ATG101: variants seen among roughly 807,000 people sequenced by gnomAD.
ATG101 encodes the protein autophagy-related protein 101.
ATG101 carries 6 observed loss-of-function variants against 16.7 expected under a neutral mutation model. That is an observed-to-expected ratio of 0.36 (90% CI 0.20 to 0.71). The LOEUF (loss-of-function observed/expected upper bound fraction) is 0.71. Ranked by LOEUF, ATG101 falls within the 30% of genes least tolerant of loss-of-function variation. The pLI is 0.57. For missense variants in ATG101, 200 were observed against 292.5 expected, an observed-to-expected ratio of 0.68 and a Z score of 2.31; for synonymous variants, 108 against 118.1, an observed-to-expected ratio of 0.91 and a Z score of 0.56.
chr12:52,075,160 T>C (rs1299074247), intron 3 of ATG101, among the ~76,000 whole-genome samples: 1 of 152,148 alleles, frequency 6.6e-6, no homozygotes. Context: ...GTGTGCTCAT[T>C]GCAGGGGGTT....
chr12:52,073,505 C>G, intron 2 of ATG101, 70 bp from the exon 3 acceptor site: 3 of 1,058,892 alleles, frequency 2.8e-6, no homozygotes, highest in Admixed American at 2.3e-5. Context: ...CTGAGCTGAG[C>G]CTAGAAGGAA....
In ATG101 at chr12:52,070,228, A is replaced by G. The variant is rs1363021005; in HGVS notation, c.-221A>G. The G allele has an allele frequency of 6.6e-6, 1 of 152,016 alleles. No individual in the cohort carries two copies. Among genetic ancestry groups the G allele is most frequent in the Non-Finnish European group, 1.5e-5 (1 of 68,024 alleles). The allele number at this position is 152,016 out of a possible 1,614,324, so 9.4% of individuals were successfully genotyped here. ...CCGAGGAGTCCGTTCCTCCCTGGTT[A>G]CGTGGACTGTGGAGGTTCGCGCGTA... On this transcript the variant is annotated 5_prime_UTR_variant, in exon 1 of 4. Transcript: ENST00000336854.
intron 3 of ATG101, among the ~76,000 whole-genome samples, chr12:52,074,380 G>A (rs369313787): frequency 6.6e-6 from 1 of 152,180 alleles, no homozygotes; most frequent in African/African-American, 2.4e-5. Context: ...GAAGGGACAC[G>A]GCCGGCTGCT....
chr12:52,067,934 G>T (rs948881556), upstream of ATG101, among the ~76,000 whole-genome samples: 7 of 151,654 alleles, frequency 4.6e-5, no homozygotes, highest in Non-Finnish European at 7.4e-5. Flanking sequence ...TTAGTATCAG[G>T]TTTAAATTTA....
chr12:52,076,842 C>T lies in ATG101; in HGVS notation c.309C>T (p.Tyr103=). The change falls in exon 4 of 4, where the codon TAC becomes TAT. Residue 103 remains tyrosine (Y), a synonymous_variant. Transcript: ENST00000336854. ...DGLGQMSLEF[Y]QKKKSRWPFS... ...TGGGGCAGATGTCCTTGGAGTTCTA[C>T]CAGAAGAAGAAGTCTCGCTGGCCAT... 1 of 1,614,136 alleles carries T rather than the reference C, an allele frequency of 6.2e-7. No homozygotes were observed. The highest frequency in any genetic ancestry group is 8.5e-7 in the Non-Finnish European group (1 of 1,180,034).
At chr12:52,069,025 C>T (rs1386778929), upstream of ATG101, among the ~76,000 whole-genome samples, 2 of 101,606 alleles carry the variant, frequency 2.0e-5, no homozygotes, top group African/African-American at 3.7e-5. Flanking sequence ...AAAAAAAATA[C>T]TGCCTCCTAT....
upstream of ATG101, among the ~76,000 whole-genome samples, chr12:52,065,409 C>CAG (rs5798196): frequency 6.6e-6 from 1 of 152,108 alleles, no homozygotes; most frequent in Non-Finnish European, 1.5e-5. Context: ...GACAGTTCCA[C>CAG]GTGTGGCATG....
intron 2 of ATG101, among the ~76,000 whole-genome samples, chr12:52,072,211 T>C (rs1255337920): frequency 6.6e-6 from 1 of 152,250 alleles, no homozygotes. Flanking sequence ...ATGTGGCAGA[T>C]AGGTGTTAAG....
chr12:52,067,077 G>A (rs1016431188), upstream of ATG101, among the ~76,000 whole-genome samples: 2 of 152,176 alleles, frequency 1.3e-5, no homozygotes, highest in East Asian at 1.9e-4. Context: ...GCTGAAAAAG[G>A]GCAGAACTGT....
In ATG101 at chr12:52,076,866, A is replaced by C; in HGVS notation, c.333A>C (p.Pro111=). ...ACCAGAAGAAGAAGTCTCGCTGGCC[A>C]TTCTCAGACGAGTGCATCCCATGGG... The part of the protein sequence containing the change: ...EFYQKKKSRW[P]FSDECIPWEV... The change falls in exon 4 of 4, where the codon CCA becomes CCC. Residue 111 remains proline, a synonymous_variant. Transcript: ENST00000336854. 1 of 1,614,186 alleles carries C rather than the reference A, an allele frequency of 6.2e-7. No individual in the cohort carries two copies.
chr12:52,067,529 G>A (rs1467332509), upstream of ATG101, among the ~76,000 whole-genome samples: 2 of 152,124 alleles, frequency 1.3e-5, no homozygotes. Context: ...TGAACTCAAG[G>A]CTCTGTTATT....
At chr12:52,076,727 G>A in intron 3 of ATG101, 59 bp from the exon 4 acceptor site, 1 of 1,560,648 alleles carries the variant, frequency 6.4e-7, no homozygotes, top group Non-Finnish European at 8.7e-7. Context: ...GTGGGAAGCA[G>A]GCCCTCACAG....
rs1291634513 is a variant in ATG101, at chr12:52,070,088, C to T, written c.-361C>T. 1.3e-5 allele frequency: 2 copies of T among 152,308 alleles called. No individual in the cohort carries two copies. The highest frequency in any genetic ancestry group is 2.9e-5 in the Non-Finnish European group (2 of 68,136). The allele number at this position is 152,308 out of a possible 1,614,324, so 9.4% of individuals were successfully genotyped here. On this transcript the variant is annotated 5_prime_UTR_variant, in exon 1 of 4. Transcript: ENST00000336854. ...TTGGGGGAGGTGGGAGCTGTTTTAA[C>T]CGTGTGCCCCCTCTCCTGTGCCGGC...
At chr12:52,069,244 G>T (rs1939598508), upstream of ATG101, 1 of 152,206 alleles carries the variant, frequency 6.6e-6, no homozygotes, top group Non-Finnish European at 1.5e-5. Flanking sequence ...GCATCAGAAA[G>T]GATGAGTGAT....
chr12:52,076,847 A>G lies in ATG101; in HGVS notation c.314A>G (p.Lys105Arg). ...CAGATGTCCTTGGAGTTCTACCAGAAGAAGAAGTCTCGCTGGCCATTCTCA... is the reference window on the plus strand; with the variant it reads ...CAGATGTCCTTGGAGTTCTACCAGAGGAAGAAGTCTCGCTGGCCATTCTCA... Reference protein sequence around the residue: ...LGQMSLEFYQKKKSRWPFSDE... With the variant: ...LGQMSLEFYQRKKSRWPFSDE... Residue 105 changes from lysine to arginine, a missense_variant, in exon 4 of 4, where the codon AAG becomes AGG. Coordinates refer to ENST00000336854, the MANE Select transcript of ATG101 (RefSeq NM_021934.5). 1 of 1,614,218 alleles carries G rather than the reference A, an allele frequency of 6.2e-7. No homozygotes were observed. Among genetic ancestry groups the G allele is most frequent in the Admixed American group, 1.7e-5 (1 of 60,028 alleles).
At chr12:52,072,964 G>T (rs1939673531) in intron 2 of ATG101, among the ~76,000 whole-genome samples, 1 of 152,004 alleles carries the variant, frequency 6.6e-6, no homozygotes, top group Admixed American at 6.5e-5. Context: ...GGTAGAGATG[G>T]GGTTTTATCA....
At chr12:52,071,508 AAGCACTAAG>A (rs1939649549) in intron 2 of ATG101, 3 of 152,214 alleles carry the variant, frequency 2.0e-5, no homozygotes. Flanking sequence ...AAGTGGTTTG[AAGCACTAAG>A]AGACAGATTC....
Position 52,077,335 on chromosome 12 carries a change from G to A in ATG101, c.*145G>A. 1 of 901,116 alleles carries A rather than the reference G, an allele frequency of 1.1e-6. No homozygotes were observed. The allele number at this position is 901,116 out of a possible 1,614,324, so 55.8% of individuals were successfully genotyped here. A position where few individuals can be genotyped will look rare whatever the true frequency, so the allele number is the denominator to read the frequency against. Reference sequence around the variant, plus strand: ...CAGCCCCCGCTGGCTTCTTGGTTTTGTGGTTGCCAGCCTCAGGTCATCCTT... The same window carrying A: ...CAGCCCCCGCTGGCTTCTTGGTTTTATGGTTGCCAGCCTCAGGTCATCCTT... On this transcript the variant is annotated 3_prime_UTR_variant, in exon 4 of 4. Transcript: ENST00000336854.
intron 2 of ATG101, among the ~76,000 whole-genome samples, chr12:52,073,113 C>G (rs989372263): frequency 6.6e-6 from 1 of 152,190 alleles, no homozygotes; most frequent in Non-Finnish European, 1.5e-5. Flanking sequence ...CTTAGTGATG[C>G]ATTGACTCTT....
Sources: gnomAD v4.1 joint callset for allele counts (sites outside exome capture counted in the v4.1 genomes callset) on GRCh38, gnomAD v4.1.1 for gene constraint, MANE v1.5 for transcripts, NCBI Gene and HGNC (gene_info 2026-07-23, HGNC 2026-07-21) for gene names.